Variants in GPHB5 observed in about 807,000 individuals in gnomAD.
GPHB5 encodes the protein glycoprotein hormone beta-5.
Under a neutral mutation model 10.1 loss-of-function variants are expected in GPHB5, and 7 were observed. The ratio of observed to expected loss-of-function variants is 0.69; its 90% CI spans 0.39 to 1.30. The LOEUF is 1.30. Ranked by LOEUF, GPHB5 falls within the 50% of genes most tolerant of loss-of-function variation. The probability of loss-of-function intolerance (pLI) is 0.01; values close to 1 mark genes in which losing one functional copy is unlikely to be tolerated. For synonymous variants in GPHB5, 68 were observed against 70.1 expected (o/e 0.97, Z 0.15); for missense variants, 161 against 169.8 (o/e 0.95, Z 0.29).
chr14:63,318,795 T>G (rs1882815859), intron 1 of GPHB5, 29 bp downstream of exon 1: 1 of 152,222 alleles, frequency 6.6e-6, no homozygotes, highest in Non-Finnish European at 1.5e-5. Flanking sequence ...TCCTCTGGAA[T>G]GAGGTTACAA....
intron 1 of GPHB5, among the ~76,000 whole-genome samples, chr14:63,318,440 T>C (rs1882810502): frequency 6.6e-6 from 1 of 152,210 alleles, no homozygotes; most frequent in African/African-American, 2.4e-5. Context: ...TTGGTGGCCA[T>C]TCATAAATGT....
chr14:63,313,446 G>A (rs1882709464), intron 2 of GPHB5, among the ~76,000 whole-genome samples: 1 of 152,088 alleles, frequency 6.6e-6, no homozygotes, highest in Admixed American at 6.5e-5. Context: ...CAGCGGCCCT[G>A]AGTGATCCTG....
In GPHB5 at chr14:63,317,637, G is replaced by T; in HGVS notation, c.204+9C>A. The T allele has an allele frequency of 6.2e-7, 1 of 1,613,642 alleles. No homozygotes were observed. The highest frequency in any genetic ancestry group is 8.5e-7 in the Non-Finnish European group (1 of 1,179,636). On this transcript the variant is annotated intron_variant, in intron 2 of 2. Transcript: ENST00000621500. Reference sequence around the variant, plus strand: ...AAGACACTGTCATCTGCACAACTTAGCAACTCACCTCCCAGGTCTCACAGC... The same window carrying T: ...AAGACACTGTCATCTGCACAACTTATCAACTCACCTCCCAGGTCTCACAGC...
At chr14:63,318,509 T>G (rs919565741) in intron 1 of GPHB5, among the ~76,000 whole-genome samples, 3 of 152,210 alleles carry the variant, frequency 2.0e-5, no homozygotes, top group Admixed American at 2.0e-4. Flanking sequence ...CATCTACTTA[T>G]GATTCAATTT....
In GPHB5 at chr14:63,317,776, GCACCGAGGA is replaced by G. The variant is rs774915756; in HGVS notation, c.65_73del (p.Val22_Gly24del). The G allele has an allele frequency of 4.3e-6, 7 of 1,614,038 alleles. No homozygotes were observed. The South Asian group carries it at 7.7e-5, about 18-fold the overall frequency. Reference sequence around the variant, plus strand: ...AAAGGTGCGCAGGTTCCCACTGGAGGCACCGAGGACACAGCCATAGCCAGCCAGAAGGAG... The same window carrying G: ...AAAGGTGCGCAGGTTCCCACTGGAGGCACAGCCATAGCCAGCCAGAAGGAG... On this transcript the variant is annotated inframe_deletion, in exon 2 of 3. Transcript: ENST00000621500.
intron 2 of GPHB5, among the ~76,000 whole-genome samples, chr14:63,313,380 A>G (rs1025182298): frequency 3.9e-5 from 6 of 152,110 alleles, no homozygotes; most frequent in Non-Finnish European, 8.8e-5. Context: ...CATTGCAAAT[A>G]CCTTCTAACT....
intron 2 of GPHB5, among the ~76,000 whole-genome samples, chr14:63,314,297 C>T (rs192918134): frequency 1.4e-5 from 2 of 139,032 alleles, no homozygotes; most frequent in African/African-American, 2.9e-5. Context: ...ACTTAACTTC[C>T]TGAAGACTCA....
rs531854259 is a variant in GPHB5, at chr14:63,317,553, C to T, written c.204+93G>A. On this transcript the variant is annotated intron_variant, in intron 2 of 2. Coordinates refer to ENST00000621500, the MANE Select transcript of GPHB5 (RefSeq NM_145171.4). Reference sequence around the variant, plus strand: ...ACAGGAAAGGGCAGATGTCCCAGCTCTACCTCATATCATTTAAAAAGTGAA... The same window carrying T: ...ACAGGAAAGGGCAGATGTCCCAGCTTTACCTCATATCATTTAAAAAGTGAA... 2.5e-5 allele frequency: 30 copies of T among 1,202,784 alleles called. 1 individual carries two copies. The South Asian group carries it at 4.0e-4, about 16-fold the overall frequency. 74.5% of individuals were successfully genotyped at this position (1,202,784 alleles called of 1,614,324 possible). A position where few individuals can be genotyped will look rare whatever the true frequency, so the allele number is the denominator to read the frequency against.
At chr14:63,313,158 T>G (rs1488974274) in intron 2 of GPHB5, 42 bp from the exon 3 acceptor site, 12 of 1,446,908 alleles carry the variant, frequency 8.3e-6, no homozygotes, top group Non-Finnish European at 1.1e-5. Flanking sequence ...TTAGAACATA[T>G]GATCTTGTTT....
intron 2 of GPHB5, among the ~76,000 whole-genome samples, chr14:63,313,525 C>T (rs1358843901): frequency 1.3e-5 from 2 of 152,184 alleles, no homozygotes; most frequent in African/African-American, 4.8e-5. Flanking sequence ...TCACTCAGAA[C>T]AAACATCAAA....
At chr14:63,317,970 A>G (rs1594787405) in intron 1 of GPHB5, 120 bp from the exon 2 acceptor site, 2 of 863,734 alleles carry the variant, frequency 2.3e-6, no homozygotes, top group Non-Finnish European at 3.6e-6. Flanking sequence ...AGGGAAAATG[A>G]GCCCAGAAAT....
rs1486710098 is a variant in GPHB5 at position 63,313,026 on chromosome 14, A to G, written c.295T>C (p.Cys99Arg). 6.3e-7 allele frequency: 1 copy of G among 1,599,954 alleles called. No individual in the cohort carries two copies. The highest frequency in any genetic ancestry group is 1.1e-5 in the South Asian group (1 of 88,088). Residue 99 changes from cysteine (C) to arginine (R), a missense_variant, in exon 3 of 3, where the codon TGT (cysteine) becomes CGT (arginine). Physicochemically the swap from Cys to Arg is radical, Grantham distance 180 (BLOSUM62 -3). Transcript: ENST00000621500. Reference sequence around the variant, plus strand: ...TAGAAGGGGTCGACTCCCGGGGCACAGTTGGGCAGCTTGACAGTCACCTGT... The same window carrying G: ...TAGAAGGGGTCGACTCCCGGGGCACGGTTGGGCAGCTTGACAGTCACCTGT... ...TKQVTVKLPN[C>R]APGVDPFYTY...
chr14:63,317,701 C>T lies in GPHB5; in HGVS notation c.149G>A (p.Cys50Tyr), dbSNP rs745429660. The change falls in exon 2 of 3, where the codon TGC becomes TAC. Residue 50 changes from cysteine to tyrosine, a missense_variant. By Grantham distance (194) the Cys-to-Tyr change is radical (BLOSUM62 -2). Coordinates refer to ENST00000621500, the MANE Select transcript of GPHB5 (RefSeq NM_145171.4). ...ATCCGTGGTGATCCGAAGGCCCCTG[C>T]AGCCTGGCTTCTTGGCCAGGAAAGT... ...EFTFLAKKPGCRGLRITTDAC... is the reference protein window; with the variant it reads ...EFTFLAKKPGYRGLRITTDAC... The T allele has an allele frequency of 6.2e-7, 1 of 1,614,040 alleles. No homozygotes were observed. Among genetic ancestry groups the T allele is most frequent in the Non-Finnish European group, 8.5e-7 (1 of 1,179,892 alleles).
At position 63,313,008 on chromosome 14, in the gene GPHB5, G is replaced by A. The variant is rs1882697433; in HGVS notation, c.313C>T (p.Pro105Ser). Residue 105 changes from proline to serine, a missense_variant, in exon 3 of 3, where the codon CCC (proline) becomes TCC (serine). By Grantham distance (74) the Pro-to-Ser change is moderately conservative. Coordinates refer to ENST00000621500, the MANE Select transcript of GPHB5 (RefSeq NM_145171.4). ...ATGGCCACGGGATAGGTGTAGAAGG[G>A]GTCGACTCCCGGGGCACAGTTGGGC... The part of the protein sequence containing the change: ...KLPNCAPGVD[P>S]FYTYPVAIRC... 1 of 1,583,242 alleles carries A rather than the reference G, an allele frequency of 6.3e-7. No homozygotes were observed. The highest frequency in any genetic ancestry group is 1.3e-5 in the African/African-American group (1 of 74,366).
In GPHB5 at chr14:63,312,873, G is replaced by A. The variant is rs532622363; in HGVS notation, c.*55C>T. Reference sequence around the variant, plus strand: ...AATTAAACAGTCTTGCATCCAGGAAGTATAACTGCATGTGCTGCTCACACA... The same window carrying A: ...AATTAAACAGTCTTGCATCCAGGAAATATAACTGCATGTGCTGCTCACACA... On this transcript the variant is annotated 3_prime_UTR_variant, in exon 3 of 3. Coordinates refer to ENST00000621500, the MANE Select transcript of GPHB5 (RefSeq NM_145171.4). 1.2e-5 allele frequency: 18 copies of A among 1,474,856 alleles called. No individual in the cohort carries two copies. In the African/African-American group the frequency reaches 2.2e-4, roughly 18 times the overall value. The allele number at this position is 1,474,856 out of a possible 1,614,324, so 91.4% of individuals were successfully genotyped here.
At chr14:63,314,155 A>G (rs1882726120) in intron 2 of GPHB5, among the ~76,000 whole-genome samples, 1 of 152,180 alleles carries the variant, frequency 6.6e-6, no homozygotes, top group Admixed American at 6.5e-5. Flanking sequence ...TTCAAAGACA[A>G]TTTTGATAAA....
chr14:63,314,857 G>T, intron 2 of GPHB5, among the ~76,000 whole-genome samples: 1 of 149,324 alleles, frequency 6.7e-6, no homozygotes, highest in East Asian at 1.9e-4. Context: ...AGATGTTCTT[G>T]CATGAATGTC....
chr14:63,318,874 A>G lies in GPHB5; in HGVS notation c.-52T>C, dbSNP rs1882817482. The G allele has an allele frequency of 6.6e-6, 1 of 152,318 alleles. No individual in the cohort carries two copies. Among genetic ancestry groups the G allele is most frequent in the African/African-American group, 2.4e-5 (1 of 41,578 alleles). The allele number at this position is 152,318 out of a possible 1,614,324, so 9.4% of individuals were successfully genotyped here. On this transcript the variant is annotated 5_prime_UTR_variant, in exon 1 of 3. Coordinates refer to ENST00000621500, the MANE Select transcript of GPHB5 (RefSeq NM_145171.4). ...TTTTAGAGCTGAAACTTGCACTAAG[A>G]TTTCAGGAAGTCACAATGAATGGTA...
chr14:63,313,231 GCT>G, intron 2 of GPHB5, 115 bp from the exon 3 acceptor site: 1 of 1,001,918 alleles, frequency 1.0e-6, no homozygotes. Context: ...TTTACTTGTT[GCT>G]CTGTCGTCTC....
Sources: gnomAD v4.1 joint callset for allele counts (sites outside exome capture counted in the v4.1 genomes callset) on GRCh38, gnomAD v4.1.1 for gene constraint, MANE v1.5 for transcripts, NCBI Gene and HGNC (gene_info 2026-07-23, HGNC 2026-07-21) for gene names.